The following TERB2 variants were observed in gnomAD, a reference collection of about 807,000 sequenced individuals.
TERB2 encodes the protein telomere repeat binding bouquet formation protein 2.
In TERB2, 26 loss-of-function variants were observed where a neutral mutation model predicts 29.8. The observed-to-expected ratio is 0.87, with a 90% CI of 0.64 to 1.21. TERB2 has a LOEUF of 1.21. Among genes scored for constraint, TERB2 ranks in the 50% most tolerant of loss-of-function variants. The pLI, the probability that TERB2 is intolerant of heterozygous loss-of-function variation, is 0.00. For missense variants in TERB2, 240 were observed against 268.6 expected (o/e 0.89, Z 0.74); for synonymous variants, 80 against 90.8 (o/e 0.88, Z 0.68).
rs1892090236 is a variant in TERB2, at chr15:44,979,195, T to C, written c.*567T>C. The C allele has an allele frequency of 1.3e-5, 2 of 152,226 alleles. No individual in the cohort carries two copies. Among genetic ancestry groups the C allele is most frequent in the Non-Finnish European group, 2.9e-5 (2 of 68,034 alleles). 9.4% of individuals were successfully genotyped at this position (152,226 alleles called of 1,614,324 possible). ...TTCATATTTCATGTTGGATGGTTTC[T>C]AATAATAAATATCTCAAAAGTGACT... On this transcript the variant is annotated 3_prime_UTR_variant, in exon 7 of 7. Coordinates refer to ENST00000340827, the MANE Select transcript of TERB2 (RefSeq NM_152448.3).
chr15:44,957,678 A>T (rs1048330036), intron 2 of TERB2, among the ~76,000 whole-genome samples: 1 of 152,132 alleles, frequency 6.6e-6, no homozygotes, highest in African/African-American at 2.4e-5. Flanking sequence ...GGACTATCAG[A>T]GTAACTTCCT....
intron 4 of TERB2, among the ~76,000 whole-genome samples, chr15:44,965,179 A>G (rs1891865636): frequency 6.9e-6 from 1 of 145,672 alleles, no homozygotes; most frequent in East Asian, 1.9e-4. Context: ...AAAAAAAAAA[A>G]AAAAAAAAAG....
intron 5 of TERB2, among the ~76,000 whole-genome samples, chr15:44,968,515 C>G (rs961674476): frequency 6.6e-6 from 1 of 151,674 alleles, no homozygotes; most frequent in Non-Finnish European, 1.5e-5. Context: ...ACCACCCGTG[C>G]CTGGCCGAAA....
At chr15:44,969,363 C>A (rs1358845574) in intron 5 of TERB2, among the ~76,000 whole-genome samples, 1 of 152,166 alleles carries the variant, frequency 6.6e-6, no homozygotes, top group East Asian at 1.9e-4. Flanking sequence ...CCTCCTAGGC[C>A]TCCCAAAGTG....
chr15:44,964,200 T>G (rs992467405), intron 4 of TERB2, among the ~76,000 whole-genome samples: 6 of 151,946 alleles, frequency 3.9e-5, no homozygotes, highest in African/African-American at 1.4e-4. Flanking sequence ...TTATTTTTTT[T>G]AAACTTCAAA....
intron 6 of TERB2, among the ~76,000 whole-genome samples, chr15:44,977,018 A>C (rs1360716734): frequency 6.6e-6 from 1 of 151,936 alleles, no homozygotes; most frequent in African/African-American, 2.4e-5. Context: ...TACATAGAGA[A>C]AAACTTGAGA....
chr15:44,972,946 G>A (rs1252643677), intron 5 of TERB2, among the ~76,000 whole-genome samples: 7 of 147,756 alleles, frequency 4.7e-5, no homozygotes, highest in Non-Finnish European at 7.4e-5. Context: ...GCAGTGGTAC[G>A]ATCTTGGCTC....
At chr15:44,966,373 C>CA (rs35986068) in intron 5 of TERB2, 130 bp downstream of exon 5, 60,498 of 429,768 alleles carry the variant, frequency 0.14, 4,735 homozygotes, top group East Asian at 0.31. Flanking sequence ...TCCCATTATA[C>CA]AAAAAAAAGA....
At chr15:44,978,343 T>C in intron 6 of TERB2, 146 bp from the exon 7 acceptor site, 1 of 1,215,620 alleles carries the variant, frequency 8.2e-7, no homozygotes, top group Non-Finnish European at 1.1e-6. Flanking sequence ...TCATGGAGAA[T>C]CTTCTCACTG....
intron 5 of TERB2, among the ~76,000 whole-genome samples, chr15:44,971,832 C>A (rs548071879): frequency 1.3e-5 from 2 of 151,732 alleles, no homozygotes; most frequent in South Asian, 2.1e-4. Flanking sequence ...CATCCCCCCC[C>A]CTCCTTTTTT....
chr15:44,977,004 C>T (rs1244016654), intron 6 of TERB2, among the ~76,000 whole-genome samples: 1 of 151,792 alleles, frequency 6.6e-6, no homozygotes, highest in Non-Finnish European at 1.5e-5. Context: ...GAAAATGAGG[C>T]TAATACATAG....
chr15:44,957,649 CTTAA>C (rs1285000993), intron 2 of TERB2, among the ~76,000 whole-genome samples: 1 of 152,136 alleles, frequency 6.6e-6, no homozygotes, highest in African/African-American at 2.4e-5. Context: ...TTAGTAGCAC[CTTAA>C]TTCCGTTTTC....
chr15:44,975,955 G>A (rs1320487101), intron 6 of TERB2: 1 of 152,092 alleles, frequency 6.6e-6, no homozygotes, highest in Non-Finnish European at 1.5e-5. Context: ...AAATCAAAAG[G>A]TTCTGATAAT....
intron 6 of TERB2, 64 bp from the exon 7 acceptor site, chr15:44,978,425 A>G (rs1892075305): frequency 2.8e-6 from 4 of 1,446,050 alleles, no homozygotes; most frequent in South Asian, 3.4e-5. Flanking sequence ...AATCAAAGAC[A>G]CTGAAAAGCA....
Position 44,961,591 on chromosome 15 carries a change from G to C in TERB2, c.348+7G>C, listed in dbSNP as rs1464619511. On this transcript the variant is annotated splice_region_variant and intron_variant, in intron 4 of 6. Transcript: ENST00000340827. ...ACATTTTCTGATAGAAAAGGTAAGA[G>C]TAAATTAAGGTACTTGATTAGCATC... is the stretch of plus-strand genomic sequence containing the variant. 6.4e-7 allele frequency: 1 copy of C among 1,561,898 alleles called. No homozygotes were observed.
In TERB2 at chr15:44,977,098, A is replaced by AACACACACACAC. The variant is rs373706136; in HGVS notation, c.524-1384_524-1373dup. Among the ~76,000 whole-genome samples, 1,353 of 148,872 alleles carry AACACACACACAC rather than the reference A, an allele frequency of 9.1e-3. 24 individuals carry two copies. Among genetic ancestry groups the AACACACACACAC allele is most frequent in the African/African-American group, 0.032 (1,280 of 40,378 alleles). ...GGGCAACAAAATAAGACCCTGTCAA[A>AACACACACACAC]ACACACACACACACACACCCCAGAA... On this transcript the variant is annotated intron_variant, in intron 6 of 6. Transcript: ENST00000340827.
At chr15:44,965,180 A>AAAAAAAAAGAAAAGG (rs1270890663) in intron 4 of TERB2, among the ~76,000 whole-genome samples, 1 of 145,784 alleles carries the variant, frequency 6.9e-6, no homozygotes, top group Admixed American at 6.9e-5. Context: ...AAAAAAAAAA[A>AAAAAAAAAGAAAAGG]AAAAAAAAGA....
intron 5 of TERB2, chr15:44,970,196 G>C (rs1891948086): frequency 6.2e-6 from 1 of 161,892 alleles, no homozygotes; most frequent in South Asian, 2.0e-4. Context: ...TGCCATAAGA[G>C]TGTGTGCCCT....
At chr15:44,968,522 G>A (rs1354680374) in intron 5 of TERB2, among the ~76,000 whole-genome samples, 10 of 149,708 alleles carry the variant, frequency 6.7e-5, no homozygotes, top group African/African-American at 2.2e-4. Context: ...GTGCCTGGCC[G>A]AAAAATCTTA....
Sources: gnomAD v4.1 joint callset for allele counts (sites outside exome capture counted in the v4.1 genomes callset) on GRCh38, gnomAD v4.1.1 for gene constraint, MANE v1.5 for transcripts, NCBI Gene and HGNC (gene_info 2026-07-23, HGNC 2026-07-21) for gene names.